The following MAP4 variants were observed in gnomAD, a reference collection of about 807,000 sequenced individuals.
The protein encoded by MAP4 is microtubule associated protein 4, also known as microtubule-associated protein 4.
A neutral mutation model predicts 170.2 loss-of-function variants in MAP4; 76 were observed. That is an observed-to-expected ratio of 0.45 (90% CI 0.37 to 0.54). The LOEUF is 0.54. Among genes scored for constraint, MAP4 ranks in the 20% least tolerant of loss-of-function variants. The pLI is 0.00. For missense variants in MAP4, 2,506 were observed against 2,748.0 expected (o/e 0.91, Z 1.97); for synonymous variants, 909 against 994.5 (o/e 0.91, Z 1.62).
chr3:47,942,596 T>C (rs1181362344), intron 3 of MAP4, among the ~76,000 whole-genome samples: 1 of 152,138 alleles, frequency 6.6e-6, no homozygotes, highest in Non-Finnish European at 1.5e-5. Flanking sequence ...TTTTTGCTTT[T>C]TTCATGCACA....
At chr3:47,922,565 TAA>T (rs60253552) in intron 4 of MAP4, among the ~76,000 whole-genome samples, 65 of 148,682 alleles carry the variant, frequency 4.4e-4, no homozygotes, top group Admixed American at 2.0e-3. Flanking sequence ...TTAACAAGCT[TAA>T]AAAAAAAAAC....
At chr3:47,856,578 C>A (rs1482472000) in intron 18 of MAP4, among the ~76,000 whole-genome samples, 1 of 152,144 alleles carries the variant, frequency 6.6e-6, no homozygotes, top group Non-Finnish European at 1.5e-5. Context: ...AGGCATGCAC[C>A]ACCACACCTA....
Position 47,852,726 on chromosome 3 carries a change from C to T in MAP4, c.*208G>A. 6.6e-7 allele frequency: 1 copy of T among 1,520,142 alleles called. No homozygotes were observed. Among genetic ancestry groups the T allele is most frequent in the South Asian group, 1.2e-5 (1 of 81,082 alleles). 94.2% of individuals were successfully genotyped at this position (1,520,142 alleles called of 1,614,324 possible). A position where few individuals can be genotyped will look rare whatever the true frequency, so the allele number is the denominator to read the frequency against. On this transcript the variant is annotated 3_prime_UTR_variant, in exon 21 of 21. Coordinates refer to ENST00000683076, the MANE Select transcript of MAP4 (RefSeq NM_001385682.1). ...GGGGCAGGGCTGCTGCTGCCCCGGG[C>T]ACGCAAAGCAGGAGGGAAGGCGAGC...
chr3:47,974,196 C>T (rs560642300), intron 3 of MAP4: 16 of 804,212 alleles, frequency 2.0e-5, no homozygotes, highest in East Asian at 1.3e-4. Context: ...GTGGCCAAGG[C>T]GGGTGGATCA....
chr3:47,946,981 C>T (rs1278354296), intron 3 of MAP4, among the ~76,000 whole-genome samples: 1 of 152,178 alleles, frequency 6.6e-6, no homozygotes, highest in Non-Finnish European at 1.5e-5. Flanking sequence ...TTCATATCCA[C>T]GCTCAATTTT....
chr3:47,942,956 T>A (rs2100057434), intron 3 of MAP4, among the ~76,000 whole-genome samples: 1 of 151,852 alleles, frequency 6.6e-6, no homozygotes, highest in African/African-American at 2.4e-5. Flanking sequence ...ACAAAAAAAA[T>A]TTAAAAAATT....
At chr3:48,082,885 C>A (rs1300721375) in intron 1 of MAP4, among the ~76,000 whole-genome samples, 1 of 151,230 alleles carries the variant, frequency 6.6e-6, no homozygotes, top group Non-Finnish European at 1.5e-5. Flanking sequence ...GAAGGGTAAA[C>A]CATCTCTATG....
intron 6 of MAP4, among the ~76,000 whole-genome samples, chr3:47,917,585 CAAAA>C (rs397877787): frequency 4.3e-5 from 4 of 92,732 alleles, no homozygotes; most frequent in African/African-American, 3.6e-5. Context: ...GAGTCCGTCT[CAAAA>C]AAAAAAAAAA....
chr3:47,935,319 C>T (rs2100052097), intron 3 of MAP4, among the ~76,000 whole-genome samples: 1 of 152,062 alleles, frequency 6.6e-6, no homozygotes, highest in African/African-American at 2.4e-5. Context: ...GTGGGGAAGA[C>T]ACACAGCAAG....
chr3:48,034,739 G>A (rs986088012), intron 1 of MAP4, among the ~76,000 whole-genome samples: 2 of 150,814 alleles, frequency 1.3e-5, no homozygotes, highest in Admixed American at 1.3e-4. Context: ...TAGGCCAGGT[G>A]CAGTGGCTCA....
At chr3:48,054,124 A>G (rs2100129324) in intron 1 of MAP4, among the ~76,000 whole-genome samples, 1 of 152,080 alleles carries the variant, frequency 6.6e-6, no homozygotes, top group African/African-American at 2.4e-5. Flanking sequence ...CAACATGGTG[A>G]AACCCCATCT....
intron 3 of MAP4, among the ~76,000 whole-genome samples, chr3:47,959,709 A>T (rs2154160313): frequency 6.6e-6 from 1 of 151,372 alleles, no homozygotes; most frequent in East Asian, 2.0e-4. Flanking sequence ...CAGTGAGCCA[A>T]GATCGCGCCG....
At chr3:47,893,968 G>A (rs2100025457) in intron 10 of MAP4, among the ~76,000 whole-genome samples, 1 of 151,770 alleles carries the variant, frequency 6.6e-6, no homozygotes, top group Non-Finnish European at 1.5e-5. Context: ...TACCACTCAA[G>A]TTCCCAACAA....
At chr3:47,941,339 TTCC>T (rs2100056279) in intron 3 of MAP4, among the ~76,000 whole-genome samples, 1 of 151,654 alleles carries the variant, frequency 6.6e-6, no homozygotes, top group Admixed American at 6.6e-5. Flanking sequence ...TGTCAAAATA[TTCC>T]TCCTCCTAAC....
chr3:48,086,965 T>C (rs1258201195), intron 1 of MAP4, among the ~76,000 whole-genome samples: 1 of 152,210 alleles, frequency 6.6e-6, no homozygotes, highest in South Asian at 2.1e-4. Context: ...CTTGGTTTGG[T>C]TGGATACCAT....
At chr3:48,075,212 C>T (rs991405533) in intron 1 of MAP4, among the ~76,000 whole-genome samples, 2 of 152,124 alleles carry the variant, frequency 1.3e-5, no homozygotes, top group African/African-American at 2.4e-5. Context: ...CTGGCATAGA[C>T]GTACACCAAT....
At chr3:47,973,679 C>T (rs2100080175) in intron 3 of MAP4, 4 of 985,194 alleles carry the variant, frequency 4.1e-6, no homozygotes, top group African/African-American at 1.7e-5. Flanking sequence ...CATACCCAGG[C>T]TTCTCCACCC....
chr3:47,944,125 C>G (rs774085437), intron 3 of MAP4, among the ~76,000 whole-genome samples: 44 of 151,954 alleles, frequency 2.9e-4, no homozygotes, highest in Non-Finnish European at 2.5e-4. Flanking sequence ...GCCTGATCAA[C>G]ATGGTGAAAC....
At chr3:47,861,726 G>A (rs1237629946) in intron 17 of MAP4, among the ~76,000 whole-genome samples, 1 of 152,046 alleles carries the variant, frequency 6.6e-6, no homozygotes. Flanking sequence ...GGGCATGGTG[G>A]TGCACGCCTG....
Sources: allele counts gnomAD v4.1 joint callset (sites outside exome capture counted in the v4.1 genomes callset), GRCh38; gene constraint gnomAD v4.1.1; transcripts MANE v1.5; gene names NCBI Gene and HGNC (gene_info 2026-07-23, HGNC 2026-07-21).